FYN: variants seen among roughly 807,000 people sequenced by gnomAD.
FYN encodes the protein FYN proto-oncogene, Src family tyrosine kinase.
In FYN, 10 loss-of-function variants were observed where a neutral mutation model predicts 70.2. That is an observed-to-expected ratio of 0.14 (90% confidence interval 0.09 to 0.24). The LOEUF is 0.24. Among genes scored for constraint, FYN ranks in the 10% least tolerant of loss-of-function variants. FYN has a pLI of 1.00. For missense variants in FYN, 319 were observed against 673.1 expected, an observed-to-expected ratio of 0.47 and a Z score of 5.82; for synonymous variants, 236 against 248.6, an observed-to-expected ratio of 0.95 and a Z score of 0.48.
At chr6:111,703,666 A>C (rs1262835989) in intron 7 of FYN, among the ~76,000 whole-genome samples, 1 of 152,228 alleles carries the variant, frequency 6.6e-6, no homozygotes. Context: ...AAGCAAAAAC[A>C]ACCTGTATGA....
Position 111,845,276 on chromosome 6 carries a change from CCAGAAGGGTCACAGTAT to C in FYN, c.-82+1296_-82+1312del, listed in dbSNP as rs530911636. Among the ~76,000 whole-genome samples the C allele has an allele frequency of 4.4e-4, 67 of 152,362 alleles. 3 individuals are homozygous for C. The East Asian group carries it at 0.012, about 28-fold the overall frequency. ...TTGCCTGCTGTGGACCTGGCCTAGT[CCAGAAGGGTCACAGTAT>C]ACTGACCTCCCATAGGCGACAGTCT... On this transcript the variant is annotated intron_variant, in intron 2 of 13. Transcript: ENST00000354650.
intron 2 of FYN, among the ~76,000 whole-genome samples, chr6:111,782,275 T>C (rs964150574): frequency 2.0e-5 from 3 of 152,208 alleles, no homozygotes; most frequent in Non-Finnish European, 4.4e-5. Context: ...TCTTCCCTAT[T>C]TTAAAACTCC....
chr6:111,794,797 T>C (rs767478127), intron 2 of FYN, among the ~76,000 whole-genome samples: 25 of 152,222 alleles, frequency 1.6e-4, no homozygotes, highest in Non-Finnish European at 3.1e-4. Context: ...CCCGCAAAGA[T>C]GAAAATATTT....
At chr6:111,842,606 G>A (rs182122455) in intron 2 of FYN, among the ~76,000 whole-genome samples, 1 of 152,278 alleles carries the variant, frequency 6.6e-6, no homozygotes, top group East Asian at 1.9e-4. Context: ...TGTAAACACT[G>A]CTGGCCTCTG....
At chr6:111,802,647 T>C (rs2114254150) in intron 2 of FYN, among the ~76,000 whole-genome samples, 1 of 152,216 alleles carries the variant, frequency 6.6e-6, no homozygotes, top group East Asian at 1.9e-4. Context: ...CAGGCTGGTC[T>C]CGAACTCCTG....
At chr6:111,700,345 C>T in intron 8 of FYN, 77 bp from the exon 9 acceptor site, 2 of 1,475,984 alleles carry the variant, frequency 1.4e-6, no homozygotes, top group Non-Finnish European at 1.9e-6. Flanking sequence ...AAGTGTAAAC[C>T]CACACTAGCG....
chr6:111,820,438 T>C (rs1335181439), intron 2 of FYN, among the ~76,000 whole-genome samples: 3 of 152,186 alleles, frequency 2.0e-5, no homozygotes, highest in African/African-American at 7.2e-5. Flanking sequence ...AGTATGGTGA[T>C]CTTAATGACA....
intron 2 of FYN, among the ~76,000 whole-genome samples, chr6:111,818,240 G>A (rs1334254929): frequency 6.6e-6 from 1 of 152,092 alleles, no homozygotes; most frequent in Non-Finnish European, 1.5e-5. Context: ...GGGACCACTG[G>A]GAGAAAACAT....
intron 12 of FYN, among the ~76,000 whole-genome samples, chr6:111,676,898 A>G (rs927193567): frequency 6.6e-6 from 1 of 152,166 alleles, no homozygotes; most frequent in Non-Finnish European, 1.5e-5. Context: ...GGATTTCATA[A>G]TTTCAGATTA....
rs567184782 is a variant in FYN at position 111,766,475 on chromosome 6, TA to T, written c.-12+14090del. Among the ~76,000 whole-genome samples the T allele has an allele frequency of 2.5e-3, 381 of 152,338 alleles. 1 individual carries two copies. Among genetic ancestry groups the T allele is most frequent in the African/African-American group, 8.8e-3 (366 of 41,580 alleles). The stretch of plus-strand genomic sequence containing the variant: ...CCTCTAGAAATATCATTCAGCCTTC[TA>T]AACAAAGCCATATGTAAACCAGCTC... On this transcript the variant is annotated intron_variant, in intron 3 of 13. Coordinates refer to ENST00000354650, the MANE Select transcript of FYN (RefSeq NM_002037.5).
chr6:111,782,480 T>A (rs566293726), intron 2 of FYN, among the ~76,000 whole-genome samples: 90 of 152,336 alleles, frequency 5.9e-4, no homozygotes, highest in African/African-American at 2.1e-3. Flanking sequence ...GCATTCTATA[T>A]TTAGACTATA....
intron 2 of FYN, among the ~76,000 whole-genome samples, chr6:111,801,784 G>A (rs1478626082): frequency 6.6e-6 from 1 of 152,120 alleles, no homozygotes; most frequent in Non-Finnish European, 1.5e-5. Context: ...ATATATATGG[G>A]TGTTCTGTGG....
At chr6:111,756,737 C>T (rs947672735) in intron 3 of FYN, among the ~76,000 whole-genome samples, 1 of 152,084 alleles carries the variant, frequency 6.6e-6, no homozygotes, top group East Asian at 1.9e-4. Context: ...TCAATAGATA[C>T]AGAAAAGGCA....
At chr6:111,675,808 A>G (rs1000087630) in intron 12 of FYN, among the ~76,000 whole-genome samples, 9 of 150,934 alleles carry the variant, frequency 6.0e-5, no homozygotes, top group Non-Finnish European at 1.3e-4. Context: ...AAAATGAAAT[A>G]AAATAAAAAT....
intron 5 of FYN, among the ~76,000 whole-genome samples, chr6:111,710,956 A>C (rs930645361): frequency 6.6e-6 from 1 of 152,216 alleles, no homozygotes; most frequent in Non-Finnish European, 1.5e-5. Context: ...ATATGATTTA[A>C]AGCCTGGCGC....
intron 2 of FYN, among the ~76,000 whole-genome samples, chr6:111,815,984 G>A (rs1772477731): frequency 6.6e-6 from 1 of 152,134 alleles, no homozygotes; most frequent in African/African-American, 2.4e-5. Context: ...ACAAGTGTGA[G>A]CCACCATGCC....
chr6:111,667,879 ATGGGTTGCAAAACC>A (rs1395057274), intron 13 of FYN, among the ~76,000 whole-genome samples: 10 of 152,234 alleles, frequency 6.6e-5, no homozygotes, highest in African/African-American at 2.4e-4. Context: ...GGATTTGACT[ATGGGTTGCAAAACC>A]TGGGTTTTTG....
chr6:111,783,923 C>T (rs1771269366), intron 2 of FYN, among the ~76,000 whole-genome samples: 1 of 152,200 alleles, frequency 6.6e-6, no homozygotes, highest in Admixed American at 6.5e-5. Flanking sequence ...TTGAAAGTTT[C>T]CCCAGGTGAT....
At chr6:111,760,288 G>A (rs1045635171) in intron 3 of FYN, among the ~76,000 whole-genome samples, 3 of 152,032 alleles carry the variant, frequency 2.0e-5, no homozygotes, top group Non-Finnish European at 2.9e-5. Flanking sequence ...GAGCAAACCC[G>A]CACTGCTTGG....
Sources: gnomAD v4.1 joint callset for allele counts (sites outside exome capture counted in the v4.1 genomes callset) on GRCh38, gnomAD v4.1.1 for gene constraint, MANE v1.5 for transcripts, NCBI Gene and HGNC (gene_info 2026-07-23, HGNC 2026-07-21) for gene names.